The following PPWD1 variants were observed in gnomAD, a reference collection of about 807,000 sequenced individuals.
The protein encoded by PPWD1 is peptidylprolyl isomerase domain and WD repeat containing 1.
Under a neutral mutation model 68.8 loss-of-function variants are expected in PPWD1, and 43 were observed. The ratio of observed to expected loss-of-function variants is 0.62; its 90% CI spans 0.49 to 0.81. The LOEUF (loss-of-function observed/expected upper bound fraction) is 0.81, where lower values mean the gene tolerates loss of function less well. PPWD1 is among the 30% of genes least tolerant of loss of function. The probability of loss-of-function intolerance (pLI) is 0.00; values close to 1 mark genes in which losing one functional copy is unlikely to be tolerated. For missense variants in PPWD1, 672 were observed against 804.8 expected (o/e 0.83, Z 2.00); for synonymous variants, 232 against 258.7 (o/e 0.90, Z 0.99).
chr5:65,587,161 TA>T, intron 10 of PPWD1, 91 bp from the exon 11 acceptor site: 1 of 1,349,676 alleles, frequency 7.4e-7, no homozygotes, highest in Non-Finnish European at 9.9e-7. Flanking sequence ...AAGGGGAGCG[TA>T]AACTTAAATT....
At chr5:65,582,953 C>A in intron 7 of PPWD1, 85 bp from the exon 8 acceptor site, 1 of 1,418,902 alleles carries the variant, frequency 7.0e-7, no homozygotes, top group Non-Finnish European at 9.4e-7. Context: ...TTCTTAAGTA[C>A]TTCATTAGAA....
intron 2 of PPWD1, 152 bp from the exon 3 acceptor site, chr5:65,569,480 T>A: frequency 1.2e-6 from 1 of 827,198 alleles, no homozygotes; most frequent in Non-Finnish European, 1.7e-6. Context: ...TTTGCAGTGT[T>A]CTGTAATATA....
At position 65,563,436 on chromosome 5, in the gene PPWD1, C is replaced by A; in HGVS notation, c.126C>A (p.Asn42Lys). ...TAGCAGTGGCGGTGTCCCAGGAGAA[C>A]GATGAGGAGAACGAAGAGCGCTGGG... ...LAVAVAVSQE[N>K]DEENEERWVG... Residue 42 changes from asparagine to lysine, a missense_variant, in exon 1 of 11, where the codon AAC becomes AAA. By Grantham distance (94) the Asn-to-Lys change is moderately conservative. Transcript: ENST00000261308. The A allele has an allele frequency of 6.2e-7, 1 of 1,614,054 alleles. No homozygotes were observed. Among genetic ancestry groups the A allele is most frequent in the South Asian group, 1.1e-5 (1 of 91,076 alleles).
chr5:65,579,272 C>T, intron 6 of PPWD1, 152 bp from the exon 7 acceptor site: 2 of 1,230,222 alleles, frequency 1.6e-6, no homozygotes, highest in Non-Finnish European at 1.1e-6. Flanking sequence ...AAATTGATAC[C>T]TTTTGGGGGG....
chr5:65,575,718 A>C (rs1581157471), intron 5 of PPWD1, among the ~76,000 whole-genome samples: 1 of 152,220 alleles, frequency 6.6e-6, no homozygotes, highest in East Asian at 1.9e-4. Context: ...CCTATCTTGA[A>C]ATTTGTGTAA....
rs1752836087 is a variant in PPWD1, at chr5:65,567,620, G to C, written c.299+5G>C. On this transcript the variant is annotated splice_donor_5th_base_variant and intron_variant, in intron 2 of 10. Coordinates refer to ENST00000261308, the MANE Select transcript of PPWD1 (RefSeq NM_015342.4). ...CACCCATGTGGTATGCACCAAGTAAGTCTATCACATCTTTTTTACTTTGTT... is the reference window on the plus strand; with the variant it reads ...CACCCATGTGGTATGCACCAAGTAACTCTATCACATCTTTTTTACTTTGTT... 1.3e-6 allele frequency: 2 copies of C among 1,569,022 alleles called. No homozygotes were observed. Among genetic ancestry groups the C allele is most frequent in the East Asian group, 4.5e-5 (2 of 44,484 alleles).
intron 1 of PPWD1, among the ~76,000 whole-genome samples, chr5:65,564,963 A>C (rs940807286): frequency 1.3e-5 from 2 of 152,212 alleles, no homozygotes; most frequent in African/African-American, 4.8e-5. Flanking sequence ...ACTCTGAGGT[A>C]GTTATATATC....
intron 2 of PPWD1, 83 bp from the exon 3 acceptor site, chr5:65,569,549 T>C: frequency 7.0e-7 from 1 of 1,420,750 alleles, no homozygotes; most frequent in Non-Finnish European, 9.4e-7. Flanking sequence ...CAAGTCAGAT[T>C]CTTAGTGAAT....
At chr5:65,567,755 A>G (rs931151342) in intron 2 of PPWD1, 140 bp downstream of exon 2, 34 of 1,340,634 alleles carry the variant, frequency 2.5e-5, no homozygotes, top group Non-Finnish European at 3.2e-5. Flanking sequence ...AAAGGCCTAC[A>G]TGTTCTTTCC....
chr5:65,587,298 G>A lies in PPWD1; in HGVS notation c.1843G>A (p.Gly615Arg), dbSNP rs1753890773. 4 of 1,612,150 alleles carry A rather than the reference G, an allele frequency of 2.5e-6. No homozygotes were observed. In the African/African-American group the frequency reaches 4.0e-5, roughly 16 times the overall value. Residue 615 changes from glycine (G) to arginine (R), a missense_variant, in exon 11 of 11, where the codon GGA becomes AGA. Gly to Arg is a moderately radical substitution (Grantham distance 125). This residue lies in a region of PPWD1 where 484 missense variants were observed against 646.2 expected (regional missense o/e 0.75). Coordinates refer to ENST00000261308, the MANE Select transcript of PPWD1 (RefSeq NM_015342.4). ...TACAGTATTTGGACGAGTGACTAAA[G>A]GAATGGAAGTTGTACAGAGGATCTC... The part of the protein sequence containing the change: ...KHTVFGRVTK[G>R]MEVVQRISNV...
At chr5:65,576,195 G>A (rs1304439487) in intron 5 of PPWD1, among the ~76,000 whole-genome samples, 1 of 22,336 alleles carries the variant, frequency 4.5e-5, no homozygotes, top group Non-Finnish European at 1.2e-4. Context: ...TTTATACTTT[G>A]TTTAATGTTA....
rs746163848 is a variant in PPWD1 at position 65,587,308 on chromosome 5, T to C, written c.1853T>C (p.Val618Ala). Residue 618 changes from valine (V) to alanine (A), a missense_variant, in exon 11 of 11, where the codon GTT (valine) becomes GCT (alanine). Physicochemically the swap from Val to Ala is moderately conservative, Grantham distance 64. Around this residue, in one of 2 missense-constraint regions of PPWD1, gnomAD observed 484 missense variants for 646.2 expected, o/e 0.75. Coordinates refer to ENST00000261308, the MANE Select transcript of PPWD1 (RefSeq NM_015342.4). ...VFGRVTKGME[V>A]VQRISNVKVN... ...GGACGAGTGACTAAAGGAATGGAAG[T>C]TGTACAGAGGATCTCCAACGTCAAA... 1 of 1,612,640 alleles carries C rather than the reference T, an allele frequency of 6.2e-7. No homozygotes were observed. Among genetic ancestry groups the C allele is most frequent in the South Asian group, 1.1e-5 (1 of 91,004 alleles).
In PPWD1 at chr5:65,572,134, T is replaced by G; in HGVS notation, c.817T>G (p.Leu273Val). ...CTGGGAATATAAAACTGACACTGAT[T>G]TATATGAATTTGCCAAGTGTAAGGC... Reference protein sequence around the residue: ...VNWEYKTDTDLYEFAKCKAYP... With the variant: ...VNWEYKTDTDVYEFAKCKAYP... Residue 273 changes from leucine (L) to valine (V), a missense_variant, in exon 5 of 11, where the codon TTA becomes GTA. This residue lies in a region of PPWD1 where 484 missense variants were observed against 646.2 expected (regional missense o/e 0.75). Coordinates refer to ENST00000261308, the MANE Select transcript of PPWD1 (RefSeq NM_015342.4). The G allele has an allele frequency of 8.7e-6, 14 of 1,614,046 alleles. No individual in the cohort carries two copies. The highest frequency in any genetic ancestry group is 1.3e-5 in the African/African-American group (1 of 75,018).
At chr5:65,578,730 A>AT (rs1753430093) in intron 6 of PPWD1, among the ~76,000 whole-genome samples, 2 of 84,612 alleles carry the variant, frequency 2.4e-5, no homozygotes, top group Admixed American at 2.1e-4. Flanking sequence ...ATACATATAT[A>AT]TATACATATA....
intron 9 of PPWD1, 26 bp downstream of exon 9, chr5:65,585,121 A>G (rs749853890): frequency 5.3e-5 from 83 of 1,568,346 alleles, no homozygotes; most frequent in Non-Finnish European, 6.4e-5. Context: ...TTCATGTCAT[A>G]TAAGAAATAC....
chr5:65,579,833 C>T (rs1753517472), intron 7 of PPWD1, among the ~76,000 whole-genome samples: 1 of 152,168 alleles, frequency 6.6e-6, no homozygotes, highest in Non-Finnish European at 1.5e-5. Context: ...TTTTCAACCT[C>T]GTTTCCACAA....
In PPWD1 at chr5:65,567,375, T is replaced by A. The variant is rs557370147; in HGVS notation, c.197-138T>A. Reference sequence around the variant, plus strand: ...AACTGAGATAACATACTGGATTTTTTAATTGTGAATTGAGAAAAACTAAAA... The same window carrying A: ...AACTGAGATAACATACTGGATTTTTAAATTGTGAATTGAGAAAAACTAAAA... On this transcript the variant is annotated intron_variant, in intron 1 of 10. Transcript: ENST00000261308. 2.0e-5 allele frequency: 26 copies of A among 1,272,428 alleles called. No homozygotes were observed. The East Asian group carries it at 4.5e-4, about 22-fold the overall frequency. The allele number at this position is 1,272,428 out of a possible 1,614,324, so 78.8% of individuals were successfully genotyped here. A position where few individuals can be genotyped will look rare whatever the true frequency, so the allele number is the denominator to read the frequency against.
intron 2 of PPWD1, chr5:65,569,221 C>T: frequency 6.6e-6 from 2 of 301,490 alleles, no homozygotes; most frequent in South Asian, 5.9e-5. Context: ...ATAAAAAAAA[C>T]TTTTGTTGAA....
In PPWD1 at chr5:65,567,669, AAG is replaced by A. The variant is rs1752839464; in HGVS notation, c.299+55_299+56del. 30 of 1,485,390 alleles carry A rather than the reference AAG, an allele frequency of 2.0e-5. No homozygotes were observed. In the South Asian group the frequency reaches 2.6e-4, roughly 13 times the overall value. The allele number at this position is 1,485,390 out of a possible 1,614,324, so 92.0% of individuals were successfully genotyped here. A position where few individuals can be genotyped will look rare whatever the true frequency, so the allele number is the denominator to read the frequency against. ...TTCTGAGTTTATTTAAAAAAAAAAA[AAG>A]CTTCAATTTTGAGGTAGATTTATAG... On this transcript the variant is annotated intron_variant, in intron 2 of 10. Transcript: ENST00000261308.
Sources: allele counts gnomAD v4.1 joint callset (sites outside exome capture counted in the v4.1 genomes callset), GRCh38; gene constraint gnomAD v4.1.1; regional missense constraint gnomAD v4.1.1; transcripts MANE v1.5; gene names NCBI Gene and HGNC (gene_info 2026-07-23, HGNC 2026-07-21).